Variants in RTN4R observed in about 807,000 individuals in gnomAD.
RTN4R encodes the protein reticulon-4 receptor.
In RTN4R, 4 loss-of-function variants were observed where a neutral mutation model predicts 27.7. The ratio of observed to expected loss-of-function variants is 0.14; its 90% CI spans 0.07 to 0.33. The LOEUF is 0.33. Among genes scored for constraint, RTN4R ranks in the 10% least tolerant of loss-of-function variants. The pLI is 1.00. For missense variants in RTN4R, 554 were observed against 671.5 expected (o/e 0.83, Z 1.93); for synonymous variants, 290 against 305.6 (o/e 0.95, Z 0.53).
chr22:20,255,628 G>T lies in RTN4R; in HGVS notation c.22+12443C>A, dbSNP rs2051207426. Among the ~76,000 whole-genome samples the T allele has an allele frequency of 6.6e-6, 1 of 152,206 alleles. No individual in the cohort carries two copies. The highest frequency in any genetic ancestry group is 1.5e-5 in the Non-Finnish European group (1 of 68,026). On this transcript the variant is annotated intron_variant, in intron 1 of 1. Coordinates refer to ENST00000043402, the MANE Select transcript of RTN4R (RefSeq NM_023004.6). The surrounding 1 kb of genome is among the most constrained non-coding windows in gnomAD (Gnocchi z 4.8). Reference sequence around the variant, plus strand: ...GCTGCTTCCCTGAACCAGCCTCAGAGTTCCTGCCTGCCCACCCAGCCCAGC... The same window carrying T: ...GCTGCTTCCCTGAACCAGCCTCAGATTTCCTGCCTGCCCACCCAGCCCAGC...
At chr22:20,259,084 G>T (rs2051229173) in intron 1 of RTN4R, among the ~76,000 whole-genome samples, 1 of 152,158 alleles carries the variant, frequency 6.6e-6, no homozygotes, top group African/African-American at 2.4e-5. Flanking sequence ...CTATGACAGA[G>T]GCCCTGGTGG....
At position 20,249,334 on chromosome 22, in the gene RTN4R, G is replaced by A. The variant is rs570072549; in HGVS notation, c.23-6224C>T. 10 of 440,766 alleles carry A rather than the reference G, an allele frequency of 2.3e-5. No homozygotes were observed. In the East Asian group the frequency reaches 2.7e-4, roughly 12 times the overall value. The allele number at this position is 440,766 out of a possible 1,614,324, so 27.3% of individuals were successfully genotyped here. A position where few individuals can be genotyped will look rare whatever the true frequency, so the allele number is the denominator to read the frequency against. ...CCCATCTGCCTGCCTGACCCTGCCC[G>A]CTACCTGGTGCCTAGCCCTGCAGGG... On this transcript the variant is annotated intron_variant, in intron 1 of 1. Coordinates refer to ENST00000043402, the MANE Select transcript of RTN4R (RefSeq NM_023004.6).
At chr22:20,257,519 C>T (rs2051218766) in intron 1 of RTN4R, among the ~76,000 whole-genome samples, 1 of 152,190 alleles carries the variant, frequency 6.6e-6, no homozygotes, top group Non-Finnish European at 1.5e-5. Flanking sequence ...GAGGTGGCTA[C>T]CTGCAAGCCA....
intron 1 of RTN4R, chr22:20,267,630 G>C (rs1390975914): frequency 2.6e-5 from 12 of 468,622 alleles, no homozygotes; most frequent in Non-Finnish European, 4.9e-5. Context: ...GGGAGGTTCT[G>C]AGCCCAGACC....
At chr22:20,256,996 T>C (rs924637538) in intron 1 of RTN4R, among the ~76,000 whole-genome samples, 6 of 152,248 alleles carry the variant, frequency 3.9e-5, no homozygotes, top group Non-Finnish European at 5.9e-5. Context: ...TTTCTGTCGG[T>C]TGAGGCACCC....
chr22:20,241,613 C>T lies in RTN4R; in HGVS notation c.*98G>A. On this transcript the variant is annotated 3_prime_UTR_variant, in exon 2 of 2. Coordinates refer to ENST00000043402, the MANE Select transcript of RTN4R (RefSeq NM_023004.6). ...ATCAGGGAGGACCTGGCCTGGCCTG[C>T]CCCACGGGTCGGCCGCCCGGCTGGC... The T allele has an allele frequency of 3.6e-6, 5 of 1,387,582 alleles. No individual in the cohort carries two copies. Among genetic ancestry groups the T allele is most frequent in the Non-Finnish European group, 5.0e-6 (5 of 1,008,146 alleles). 86.0% of individuals were successfully genotyped at this position (1,387,582 alleles called of 1,614,324 possible).
chr22:20,254,102 T>G (rs2051199450), intron 1 of RTN4R, among the ~76,000 whole-genome samples: 1 of 151,790 alleles, frequency 6.6e-6, no homozygotes, highest in African/African-American at 2.4e-5. Context: ...TCAAGGGAAG[T>G]CTGAAGCTCC....
At position 20,242,305 on chromosome 22, in the gene RTN4R, C is replaced by A. The variant is rs761053897; in HGVS notation, c.828G>T (p.Gln276His). 3 of 1,607,316 alleles carry A rather than the reference C, an allele frequency of 1.9e-6. No individual in the cohort carries two copies. The South Asian group carries it at 3.3e-5, about 18-fold the overall frequency. Residue 276 changes from glutamine (Q) to histidine (H), a missense_variant, in exon 2 of 2, where the codon CAG becomes CAT. Around this residue, in one of 2 missense-constraint regions of RTN4R, gnomAD observed 413 missense variants for 542.3 expected, o/e 0.76. Coordinates refer to ENST00000043402, the MANE Select transcript of RTN4R (RefSeq NM_023004.6). ...CCTCGGAGGAGGAGCCGCGGAACTT[C>A]TGCAGCCAGGCCCAGAGTGGGCGTG... Reference protein sequence around the residue: ...CRARPLWAWLQKFRGSSSEVP... With the variant: ...CRARPLWAWLHKFRGSSSEVP...
chr22:20,265,035 C>A (rs1319790052), intron 1 of RTN4R, among the ~76,000 whole-genome samples: 3 of 152,242 alleles, frequency 2.0e-5, no homozygotes, highest in Non-Finnish European at 4.4e-5. Flanking sequence ...CAGACCAAGG[C>A]TCCCGGTGAG....
At chr22:20,248,164 G>C (rs2051153384) in intron 1 of RTN4R, among the ~76,000 whole-genome samples, 2 of 152,192 alleles carry the variant, frequency 1.3e-5, no homozygotes, top group African/African-American at 4.8e-5. Flanking sequence ...ACAATCCAAG[G>C]TCAAATCCAA....
intron 1 of RTN4R, among the ~76,000 whole-genome samples, chr22:20,262,688 G>A (rs1392734541): frequency 6.6e-6 from 1 of 152,194 alleles, no homozygotes; most frequent in Non-Finnish European, 1.5e-5. Flanking sequence ...CACTCTTGAA[G>A]ACACTGAGCT....
At chr22:20,246,044 C>T (rs1220483774) in intron 1 of RTN4R, among the ~76,000 whole-genome samples, 3 of 152,230 alleles carry the variant, frequency 2.0e-5, no homozygotes, top group African/African-American at 7.2e-5. Context: ...CCTCCCAGGC[C>T]AATTAACATC....
At chr22:20,261,854 G>T (rs1270058497) in intron 1 of RTN4R, among the ~76,000 whole-genome samples, 1 of 152,254 alleles carries the variant, frequency 6.6e-6, no homozygotes, top group South Asian at 2.1e-4. Context: ...GGCTTCCCTG[G>T]TGAGGATGGA....
chr22:20,265,166 G>C (rs2051270078), intron 1 of RTN4R, among the ~76,000 whole-genome samples: 1 of 152,234 alleles, frequency 6.6e-6, no homozygotes, highest in South Asian at 2.1e-4. Context: ...GTGCCACAAA[G>C]CATGAATTCA....
intron 1 of RTN4R, among the ~76,000 whole-genome samples, chr22:20,262,376 C>T (rs576790700): frequency 1.9e-4 from 29 of 152,280 alleles, no homozygotes; most frequent in African/African-American, 5.8e-4. Context: ...CTTGCCGGGA[C>T]CTGGGAGGCA....
At chr22:20,243,798 A>T (rs1016960142) in intron 1 of RTN4R, 1 of 280,194 alleles carries the variant, frequency 3.6e-6, no homozygotes, top group Non-Finnish European at 7.4e-6. Flanking sequence ...TCCCCAGCCA[A>T]CCCCTGCAGT....
intron 1 of RTN4R, among the ~76,000 whole-genome samples, chr22:20,263,396 C>T (rs855055): frequency 0.038 from 5,822 of 152,334 alleles, 513 homozygotes; most frequent in East Asian, 0.37. Flanking sequence ...AGACGCCCTG[C>T]GGGAAAGGAG....
intron 1 of RTN4R, among the ~76,000 whole-genome samples, chr22:20,245,989 AG>A (rs1449105718): frequency 6.6e-6 from 1 of 152,194 alleles, no homozygotes; most frequent in Non-Finnish European, 1.5e-5. Flanking sequence ...GGCTCTCCTC[AG>A]CCTCCAAGCT....
chr22:20,246,420 G>T (rs1038302092), intron 1 of RTN4R, among the ~76,000 whole-genome samples: 1 of 151,076 alleles, frequency 6.6e-6, no homozygotes, highest in African/African-American at 2.4e-5. Context: ...GGCTGTTCAC[G>T]TTCACTGCAG....
Sources: allele counts gnomAD v4.1 joint callset (sites outside exome capture counted in the v4.1 genomes callset), GRCh38; gene constraint gnomAD v4.1.1; regional missense constraint gnomAD v4.1.1; non-coding constraint Gnocchi (gnomAD v3.1); transcripts MANE v1.5; gene names NCBI Gene and HGNC (gene_info 2026-07-23, HGNC 2026-07-21).